Variants in WWOX observed in about 807,000 individuals in gnomAD.
WWOX encodes WW domain-containing oxidoreductase.
WWOX carries 69 observed loss-of-function variants against 46.2 expected under a neutral mutation model. That is an observed-to-expected ratio of 1.49 (90% CI 1.23 to 1.82). The LOEUF (loss-of-function observed/expected upper bound fraction) is 1.82, where lower values mean the gene tolerates loss of function less well. Ranked by LOEUF, WWOX falls within the 40% of genes most tolerant of loss-of-function variation. WWOX has a pLI of 0.00. For missense variants in WWOX, 919 were observed against 542.6 expected (o/e 1.69, Z -6.89); for synonymous variants, 359 against 202.6 (o/e 1.77, Z -6.56).
At chr16:78,406,888 A>G (rs1479425393) in intron 6 of WWOX, among the ~76,000 whole-genome samples, 1 of 152,150 alleles carries the variant, frequency 6.6e-6, no homozygotes, top group Non-Finnish European at 1.5e-5. Context: ...AGCCTCCCAA[A>G]GTGCTGGGAT....
At chr16:78,150,452 C>T (rs766781044) in intron 4 of WWOX, among the ~76,000 whole-genome samples, 6 of 152,082 alleles carry the variant, frequency 3.9e-5, no homozygotes, top group Non-Finnish European at 8.8e-5. Context: ...AATCATGGCT[C>T]ATTACAGCCA....
chr16:78,519,638 T>A (rs1407967974), intron 8 of WWOX, among the ~76,000 whole-genome samples: 1 of 152,050 alleles, frequency 6.6e-6, no homozygotes, highest in African/African-American at 2.4e-5. Flanking sequence ...AAGCAGGACC[T>A]TTAGGACATG....
intron 8 of WWOX, among the ~76,000 whole-genome samples, chr16:78,538,141 A>G (rs1019664122): frequency 6.7e-6 from 1 of 150,136 alleles, no homozygotes. Flanking sequence ...CTGAAAGAAA[A>G]TTTAGTGATT....
chr16:78,547,127 GA>G (rs199726097), intron 8 of WWOX, among the ~76,000 whole-genome samples: 1,875 of 87,494 alleles, frequency 0.021, 112 homozygotes, highest in Middle Eastern at 0.07. Flanking sequence ...CCTTGTCTCA[GA>G]AAAAAAAAAA....
intron 8 of WWOX, among the ~76,000 whole-genome samples, chr16:78,754,781 G>C (rs1291754992): frequency 6.6e-6 from 1 of 152,098 alleles, no homozygotes; most frequent in Admixed American, 6.5e-5. Flanking sequence ...CAGTGTGAAT[G>C]AGATGACCTC....
At chr16:78,586,167 G>A (rs1217938757) in intron 8 of WWOX, among the ~76,000 whole-genome samples, 1 of 152,024 alleles carries the variant, frequency 6.6e-6, no homozygotes, top group African/African-American at 2.4e-5. Flanking sequence ...GACTAGCCTG[G>A]GCAACATAGC....
At chr16:78,952,562 T>G (rs2046083305) in intron 8 of WWOX, among the ~76,000 whole-genome samples, 1 of 152,124 alleles carries the variant, frequency 6.6e-6, no homozygotes, top group Non-Finnish European at 1.5e-5. Context: ...TTTGTATTTT[T>G]AGTAGAGACG....
chr16:79,150,969 C>T (rs1407794461), intron 8 of WWOX, among the ~76,000 whole-genome samples: 1 of 152,154 alleles, frequency 6.6e-6, no homozygotes, highest in African/African-American at 2.4e-5. Context: ...AGGCTCTTTT[C>T]ATTTCTCCCT....
chr16:78,800,256 A>G (rs2050851827), intron 8 of WWOX, among the ~76,000 whole-genome samples: 1 of 152,092 alleles, frequency 6.6e-6, no homozygotes, highest in Non-Finnish European at 1.5e-5. Context: ...GCAAAAAAAA[A>G]AAGTCGAGCT....
intron 8 of WWOX, among the ~76,000 whole-genome samples, chr16:78,933,396 G>C (rs1050604810): frequency 2.0e-5 from 3 of 152,220 alleles, no homozygotes; most frequent in African/African-American, 7.2e-5. Flanking sequence ...CCAAGATTGT[G>C]CCACTGTACT....
At chr16:78,421,087 G>A (rs2082917257) in intron 6 of WWOX, among the ~76,000 whole-genome samples, 1 of 151,896 alleles carries the variant, frequency 6.6e-6, no homozygotes, top group Non-Finnish European at 1.5e-5. Context: ...TGGATTCTTG[G>A]GCATAAACGT....
intron 8 of WWOX, among the ~76,000 whole-genome samples, chr16:78,736,761 G>C (rs917862746): frequency 6.6e-6 from 1 of 151,978 alleles, no homozygotes; most frequent in Non-Finnish European, 1.5e-5. Context: ...CTCCACATCT[G>C]ACTAATTACT....
chr16:78,335,443 C>G (rs1289393757), intron 5 of WWOX, among the ~76,000 whole-genome samples: 1 of 152,172 alleles, frequency 6.6e-6, no homozygotes, highest in Non-Finnish European at 1.5e-5. Context: ...CATGTCCCTG[C>G]AGAGGACATG....
chr16:78,160,295 A>C (rs1483456682), intron 4 of WWOX, among the ~76,000 whole-genome samples: 1 of 151,840 alleles, frequency 6.6e-6, no homozygotes, highest in Non-Finnish European at 1.5e-5. Context: ...ACCACGCCCA[A>C]CTAATTTTTT....
chr16:79,112,331 C>A (rs896132191), intron 8 of WWOX, among the ~76,000 whole-genome samples: 1 of 152,280 alleles, frequency 6.6e-6, no homozygotes, highest in African/African-American at 2.4e-5. Flanking sequence ...AACCTTCATT[C>A]TGAATATTTT....
At chr16:78,997,576 A>G (rs1210725734) in intron 8 of WWOX, among the ~76,000 whole-genome samples, 1 of 152,168 alleles carries the variant, frequency 6.6e-6, no homozygotes, top group African/African-American at 2.4e-5. Flanking sequence ...AACAGTACCT[A>G]TAAAATTGAC....
In WWOX at chr16:78,375,691, A is replaced by C. The variant is rs562092395; in HGVS notation, c.517-11169A>C. Among the ~76,000 whole-genome samples, 4 of 152,236 alleles carry C rather than the reference A, an allele frequency of 2.6e-5. No individual in the cohort carries two copies. The South Asian group carries it at 8.3e-4, about 32-fold the overall frequency. ...TTAAAATGTGGGTATCTCTTGACCT[A>C]GTGAGTCTACTTCCAGGAATTCATC... On this transcript the variant is annotated intron_variant, in intron 5 of 8. Coordinates refer to ENST00000566780, the MANE Select transcript of WWOX (RefSeq NM_016373.4).
chr16:78,634,416 T>C (rs557006748), intron 8 of WWOX, among the ~76,000 whole-genome samples: 42 of 152,144 alleles, frequency 2.8e-4, no homozygotes, highest in Middle Eastern at 3.4e-3. Context: ...CTGTTCAAAG[T>C]TGTAGGGACA....
At chr16:78,644,696 C>G (rs978124832) in intron 8 of WWOX, among the ~76,000 whole-genome samples, 5 of 152,214 alleles carry the variant, frequency 3.3e-5, no homozygotes, top group Non-Finnish European at 5.9e-5. Flanking sequence ...CTCCTGAACT[C>G]AAGTGATCTG....
Sources: allele counts gnomAD v4.1 joint callset (sites outside exome capture counted in the v4.1 genomes callset), GRCh38; gene constraint gnomAD v4.1.1; transcripts MANE v1.5; gene names NCBI Gene and HGNC (gene_info 2026-07-23, HGNC 2026-07-21).